PDZD2: variants seen among roughly 807,000 people sequenced by gnomAD.
PDZD2 encodes PDZ domain-containing protein 2.
Under a neutral mutation model 220.7 loss-of-function variants are expected in PDZD2, and 90 were observed. The observed-to-expected ratio is 0.41, with a 90% CI of 0.34 to 0.49. The LOEUF is 0.49. Ranked by LOEUF, PDZD2 falls within the 20% of genes least tolerant of loss-of-function variation. PDZD2 has a pLI of 0.28. For missense variants in PDZD2, 3,174 were observed against 3,608.5 expected (o/e 0.88, Z 3.08); for synonymous variants, 1,375 against 1,450.5 (o/e 0.95, Z 1.18).
intron 2 of PDZD2, chr5:31,840,485 G>T: frequency 6.7e-6 from 2 of 299,546 alleles, no homozygotes; most frequent in East Asian, 6.1e-5. Context: ...TTTTTTAACA[G>T]TAGCTATTTT....
At chr5:31,996,738 G>A (rs1751667521) in intron 4 of PDZD2, among the ~76,000 whole-genome samples, 1 of 152,008 alleles carries the variant, frequency 6.6e-6, no homozygotes, top group African/African-American at 2.4e-5. Flanking sequence ...CAAAATAGCT[G>A]GTCATGGTGG....
chr5:31,998,223 C>G (rs1751796219), intron 4 of PDZD2, among the ~76,000 whole-genome samples: 1 of 152,154 alleles, frequency 6.6e-6, no homozygotes, highest in South Asian at 2.1e-4. Flanking sequence ...GAGTGGCCCA[C>G]CCACACAGCT....
At chr5:31,730,215 C>G (rs1749444208) in intron 1 of PDZD2, among the ~76,000 whole-genome samples, 1 of 152,188 alleles carries the variant, frequency 6.6e-6, no homozygotes, top group Admixed American at 6.6e-5. Context: ...GGAGTAAAAA[C>G]TCTTCGTGCT....
At chr5:31,737,418 C>G (rs1046106110) in intron 1 of PDZD2, among the ~76,000 whole-genome samples, 1 of 152,042 alleles carries the variant, frequency 6.6e-6, no homozygotes, top group Non-Finnish European at 1.5e-5. Context: ...GTGATCCGCC[C>G]GCCTTGGCCT....
intron 2 of PDZD2, among the ~76,000 whole-genome samples, chr5:31,909,381 G>A (rs1377321848): frequency 6.6e-6 from 1 of 152,194 alleles, no homozygotes; most frequent in Non-Finnish European, 1.5e-5. Flanking sequence ...AAAATAAAAT[G>A]CATTTAAACT....
chr5:31,761,860 C>A (rs1296228253), intron 1 of PDZD2, among the ~76,000 whole-genome samples: 99 of 126,522 alleles, frequency 7.8e-4, no homozygotes, highest in African/African-American at 8.9e-4. Context: ...AACTACATCT[C>A]AAAAAAAAAA....
At chr5:31,714,283 G>C (rs1748306961) in intron 1 of PDZD2, among the ~76,000 whole-genome samples, 1 of 152,202 alleles carries the variant, frequency 6.6e-6, no homozygotes, top group South Asian at 2.1e-4. Flanking sequence ...GGTTCTGATT[G>C]AGGTTGTCAG....
intron 2 of PDZD2, among the ~76,000 whole-genome samples, chr5:31,878,990 C>G (rs1422393687): frequency 6.6e-6 from 1 of 152,144 alleles, no homozygotes; most frequent in South Asian, 2.1e-4. Context: ...GTAGGTGGAT[C>G]AGCAGTTGGA....
intron 2 of PDZD2, among the ~76,000 whole-genome samples, chr5:31,921,934 G>T (rs147556260): frequency 6.6e-6 from 1 of 152,128 alleles, no homozygotes; most frequent in East Asian, 1.9e-4. Context: ...TCCACACTTT[G>T]GCTGTTGTTG....
chr5:31,993,731 TTTGTTTCATATGTC>T lies in PDZD2; in HGVS notation c.979-1840_979-1827del, dbSNP rs763533877. Among the ~76,000 whole-genome samples the T allele has an allele frequency of 3.9e-4, 59 of 152,330 alleles. 1 individual carries two copies. Among genetic ancestry groups the T allele is most frequent in the African/African-American group, 6.3e-4 (26 of 41,570 alleles). Reference sequence around the variant, plus strand: ...TCATTTGTTTCATATGAAGATGGCTTTTGTTTCATATGTCTTGTGACTCAGGCCCATATAGCTAG... The same window carrying T: ...TCATTTGTTTCATATGAAGATGGCTTTTGTGACTCAGGCCCATATAGCTAG... On this transcript the variant is annotated intron_variant, in intron 3 of 24. Coordinates refer to ENST00000438447, the MANE Select transcript of PDZD2 (RefSeq NM_178140.4).
intron 2 of PDZD2, among the ~76,000 whole-genome samples, chr5:31,831,861 C>T (rs113444914): frequency 0.092 from 12,449 of 135,334 alleles, 699 homozygotes; most frequent in Middle Eastern, 0.19. Flanking sequence ...TTGCAGTGAG[C>T]CAAGATTGCC....
At chr5:31,747,836 A>G (rs183991194) in intron 1 of PDZD2, 420 of 152,884 alleles carry the variant, frequency 2.7e-3, no homozygotes, top group Admixed American at 7.0e-3. Flanking sequence ...ATCCTGCCCC[A>G]GGAACCTGCC....
At chr5:32,069,959 G>A (rs371558712) in intron 15 of PDZD2, among the ~76,000 whole-genome samples, 1 of 152,138 alleles carries the variant, frequency 6.6e-6, no homozygotes, top group South Asian at 2.1e-4. Context: ...AAAGGGAAAC[G>A]ATACCCAGAA....
At chr5:31,676,168 A>G (rs538577806) in intron 1 of PDZD2, among the ~76,000 whole-genome samples, 2 of 152,218 alleles carry the variant, frequency 1.3e-5, no homozygotes, top group Non-Finnish European at 2.9e-5. Context: ...TCATTCATTC[A>G]TTCATTTATT....
At chr5:31,969,522 A>AAAAAAAAC in intron 2 of PDZD2, among the ~76,000 whole-genome samples, 1 of 146,534 alleles carries the variant, frequency 6.8e-6, no homozygotes. Flanking sequence ...AAAAAAAAAA[A>AAAAAAAAC]AAAAAAAAAA....
chr5:31,676,568 CTTTTT>C (rs778418372), intron 1 of PDZD2, among the ~76,000 whole-genome samples: 1 of 136,384 alleles, frequency 7.3e-6, no homozygotes, highest in Admixed American at 7.5e-5. Context: ...TTTGCTTTCT[CTTTTT>C]TTTTTTTTTT....
At chr5:31,789,073 G>T (rs1293805301) in intron 1 of PDZD2, among the ~76,000 whole-genome samples, 1 of 152,240 alleles carries the variant, frequency 6.6e-6, no homozygotes, top group Non-Finnish European at 1.5e-5. Context: ...GCTTAGACAA[G>T]ATAGGTGCCT....
intron 2 of PDZD2, among the ~76,000 whole-genome samples, chr5:31,949,744 C>T (rs186899905): frequency 5.1e-4 from 77 of 150,330 alleles, no homozygotes; most frequent in African/African-American, 1.8e-3. Flanking sequence ...GCGATCTCAG[C>T]TCACTGCAAC....
At chr5:31,883,536 C>G (rs1740140688) in intron 2 of PDZD2, among the ~76,000 whole-genome samples, 1 of 151,444 alleles carries the variant, frequency 6.6e-6, no homozygotes, top group South Asian at 2.1e-4. Context: ...GCTACTTTTT[C>G]TTTGAAAGAA....
Sources: gnomAD v4.1 joint callset for allele counts (sites outside exome capture counted in the v4.1 genomes callset) on GRCh38, gnomAD v4.1.1 for gene constraint, MANE v1.5 for transcripts, NCBI Gene and HGNC (gene_info 2026-07-23, HGNC 2026-07-21) for gene names.